SBF2: variants seen among roughly 807,000 people sequenced by gnomAD.
The protein encoded by SBF2 is SET binding factor 2, also known as myotubularin-related protein 13.
Under a neutral mutation model 225.2 loss-of-function variants are expected in SBF2, and 112 were observed. The observed-to-expected ratio is 0.50, with a 90% CI of 0.43 to 0.58. The LOEUF (loss-of-function observed/expected upper bound fraction) is 0.58. Ranked by LOEUF, SBF2 falls within the 20% of genes least tolerant of loss-of-function variation. The pLI, the probability that SBF2 is intolerant of heterozygous loss-of-function variation, is 0.00. For synonymous variants in SBF2, 763 were observed against 773.3 expected, an observed-to-expected ratio of 0.99 and a Z score of 0.22; for missense variants, 1,996 against 2,206.2, an observed-to-expected ratio of 0.90 and a Z score of 1.91.
intron 2 of SBF2, among the ~76,000 whole-genome samples, chr11:10,182,376 A>T (rs547107135): frequency 6.6e-6 from 1 of 152,264 alleles, no homozygotes; most frequent in Non-Finnish European, 1.5e-5. Flanking sequence ...TTAAATATAC[A>T]CCTCTCTATA....
In SBF2 at chr11:9,928,998, G is replaced by A. The variant is rs78841391; in HGVS notation, c.1860+32959C>T. 2,606 of 483,150 alleles carry A rather than the reference G, an allele frequency of 5.4e-3. 54 individuals are homozygous for A. The highest frequency in any genetic ancestry group is 0.047 in the African/African-American group (2,369 of 50,736). 29.9% of individuals were successfully genotyped at this position (483,150 alleles called of 1,614,324 possible). A position where few individuals can be genotyped will look rare whatever the true frequency, so the allele number is the denominator to read the frequency against. On this transcript the variant is annotated intron_variant, in intron 16 of 39. Coordinates refer to ENST00000256190, the MANE Select transcript of SBF2 (RefSeq NM_030962.4). ...AACTTGCAACATCAACAATGCATTT[G>A]GCCCAGGAACTGCTAATGAACATAC...
At chr11:10,110,363 C>A (rs1447056982) in intron 2 of SBF2, among the ~76,000 whole-genome samples, 2 of 151,848 alleles carry the variant, frequency 1.3e-5, no homozygotes, top group African/African-American at 2.4e-5. Context: ...CCATTTTTCT[C>A]GGTATTCAGT....
At chr11:9,868,725 AG>A (rs1858458353) in intron 17 of SBF2, among the ~76,000 whole-genome samples, 1 of 152,188 alleles carries the variant, frequency 6.6e-6, no homozygotes. Flanking sequence ...CATTTGTCCT[AG>A]AAAGTTTCCA....
At chr11:10,235,202 T>C (rs1362648860) in intron 1 of SBF2, among the ~76,000 whole-genome samples, 1 of 152,242 alleles carries the variant, frequency 6.6e-6, no homozygotes, top group Non-Finnish European at 1.5e-5. Context: ...CATCTAATTA[T>C]ACTTCCTTTT....
chr11:9,856,810 CG>C, intron 18 of SBF2, 90 bp from the exon 19 acceptor site: 1 of 1,250,646 alleles, frequency 8.0e-7, no homozygotes, highest in East Asian at 2.4e-5. Flanking sequence ...TTTTTTGAGA[CG>C]GAGTCTCGCT....
intron 6 of SBF2, among the ~76,000 whole-genome samples, chr11:10,022,781 G>C (rs143185124): frequency 9.4e-4 from 143 of 152,006 alleles, no homozygotes; most frequent in African/African-American, 3.0e-3. Flanking sequence ...TTTCAATCTC[G>C]AGGTTGAGGA....
chr11:10,143,745 TCTCGCTCTTTCGCCCAG>T (rs1954758556), intron 2 of SBF2, among the ~76,000 whole-genome samples: 1 of 151,692 alleles, frequency 6.6e-6, no homozygotes, highest in Non-Finnish European at 1.5e-5. Context: ...TTAGACGAAG[TCTCGCTCTTTCGCCCAG>T]GCCGGACTGC....
intron 16 of SBF2, among the ~76,000 whole-genome samples, chr11:9,936,775 G>A (rs775931847): frequency 2.6e-5 from 4 of 152,200 alleles, no homozygotes; most frequent in Non-Finnish European, 5.9e-5. Context: ...ACACAGGGCA[G>A]GGAACATCAC....
chr11:10,185,449 G>A (rs191684816), intron 2 of SBF2, among the ~76,000 whole-genome samples: 17 of 152,008 alleles, frequency 1.1e-4, no homozygotes, highest in Non-Finnish European at 7.4e-5. Context: ...TGGGATTTTT[G>A]TTTTGTTTTG....
chr11:10,263,343 T>A (rs59079092), intron 1 of SBF2, among the ~76,000 whole-genome samples: 1,627 of 152,216 alleles, frequency 0.011, 33 homozygotes, highest in African/African-American at 0.037. Context: ...AGTTTTTTTT[T>A]AATTTGTGTG....
intron 2 of SBF2, among the ~76,000 whole-genome samples, chr11:10,100,833 T>C (rs1565229381): frequency 6.6e-6 from 1 of 152,202 alleles, no homozygotes; most frequent in Admixed American, 6.5e-5. Flanking sequence ...GAGGTGTCTG[T>C]AGCTCCACTG....
intron 22 of SBF2, among the ~76,000 whole-genome samples, chr11:9,847,940 A>G (rs1462338477): frequency 6.6e-6 from 1 of 152,126 alleles, no homozygotes; most frequent in East Asian, 1.9e-4. Flanking sequence ...ATAGAAAATG[A>G]TTTTTGGGAG....
chr11:10,241,169 G>A (rs534073679), intron 1 of SBF2, among the ~76,000 whole-genome samples: 2 of 152,126 alleles, frequency 1.3e-5, no homozygotes, highest in African/African-American at 2.4e-5. Flanking sequence ...TGGCCAACAC[G>A]GTGAAACTCC....
chr11:10,080,248 CAAAAAAAAAA>C (rs34181436), intron 2 of SBF2, among the ~76,000 whole-genome samples: 2 of 82,210 alleles, frequency 2.4e-5, no homozygotes, highest in South Asian at 4.3e-4. Context: ...AACTCTGTCT[CAAAAAAAAAA>C]AAAAAAAAAA....
rs753402388 is a variant in SBF2 at position 10,193,909 on chromosome 11, A to G, written c.134T>C (p.Ile45Thr). 3 of 1,609,260 alleles carry G rather than the reference A, an allele frequency of 1.9e-6. No individual in the cohort carries two copies. The highest frequency in any genetic ancestry group is 2.7e-5 in the African/African-American group (2 of 74,816). The change falls in exon 2 of 40, where the codon ATT becomes ACT. Residue 45 changes from isoleucine to threonine, a missense_variant. Transcript: ENST00000256190. ...DWDDTPFPQG[I>T]ELFCQPGGWQ... Reference sequence around the variant, plus strand: ...AATACAACAACCACTTACCAACTCAATTCCCTGTGGAAAAGGTGTATCATC... The same window carrying G: ...AATACAACAACCACTTACCAACTCAGTTCCCTGTGGAAAAGGTGTATCATC...
intron 16 of SBF2, among the ~76,000 whole-genome samples, chr11:9,920,851 G>A (rs948665251): frequency 3.9e-5 from 6 of 152,068 alleles, no homozygotes; most frequent in Non-Finnish European, 5.9e-5. Flanking sequence ...GAGAGACCAC[G>A]TCTTTCTAAT....
intron 1 of SBF2, among the ~76,000 whole-genome samples, chr11:10,246,208 C>T (rs61889797): frequency 0.031 from 4,693 of 152,254 alleles, 146 homozygotes; most frequent in Admixed American, 0.094. Context: ...ACTGTAGTGA[C>T]GCTTTAAAAG....
intron 1 of SBF2, among the ~76,000 whole-genome samples, chr11:10,255,775 T>C (rs1960813930): frequency 6.6e-6 from 1 of 152,198 alleles, no homozygotes; most frequent in African/African-American, 2.4e-5. Context: ...AGAAAGAAAA[T>C]GGTCATCCAT....
intron 29 of SBF2, among the ~76,000 whole-genome samples, chr11:9,813,465 C>T (rs111302630): frequency 1.2e-4 from 19 of 152,190 alleles, no homozygotes; most frequent in African/African-American, 4.6e-4. Flanking sequence ...GTAGCTGGGA[C>T]TACAGTCGTG....
Sources: allele counts gnomAD v4.1 joint callset (sites outside exome capture counted in the v4.1 genomes callset), GRCh38; gene constraint gnomAD v4.1.1; transcripts MANE v1.5; gene names NCBI Gene and HGNC (gene_info 2026-07-23, HGNC 2026-07-21).